SLC25A13: variants seen among roughly 807,000 people sequenced by gnomAD.
SLC25A13 encodes the protein electrogenic aspartate/glutamate antiporter SLC25A13, mitochondrial.
A neutral mutation model predicts 85.5 loss-of-function variants in SLC25A13; 70 were observed. That is an observed-to-expected ratio of 0.82 (90% confidence interval 0.68 to 1.00). The LOEUF (loss-of-function observed/expected upper bound fraction) is 1.00. SLC25A13 is among the 50% of genes least tolerant of loss of function. SLC25A13 has a pLI of 0.00. For synonymous variants in SLC25A13, 259 were observed against 288.7 expected (o/e 0.90, Z 1.04); for missense variants, 765 against 819.8 (o/e 0.93, Z 0.82).
At chr7:96,252,834 CTG>C (rs1483000956) in intron 3 of SLC25A13, among the ~76,000 whole-genome samples, 1 of 152,134 alleles carries the variant, frequency 6.6e-6, no homozygotes, top group African/African-American at 2.4e-5. Context: ...TGGGTCACAC[CTG>C]TAATCCCAGC....
At chr7:96,280,129 C>A (rs1798614746) in intron 2 of SLC25A13, among the ~76,000 whole-genome samples, 1 of 152,142 alleles carries the variant, frequency 6.6e-6, no homozygotes, top group Non-Finnish European at 1.5e-5. Context: ...ATTGTCTCGT[C>A]TACTCTTGCA....
intron 13 of SLC25A13, 161 bp downstream of exon 13, chr7:96,169,884 A>G (rs1793927496): frequency 2.8e-6 from 2 of 722,766 alleles, no homozygotes; most frequent in Non-Finnish European, 5.0e-6. Context: ...CACCTCTGGA[A>G]TGGTTCGCCT....
At chr7:96,219,451 G>A (rs1230363028) in intron 4 of SLC25A13, among the ~76,000 whole-genome samples, 2 of 152,136 alleles carry the variant, frequency 1.3e-5, no homozygotes, top group Non-Finnish European at 2.9e-5. Flanking sequence ...AAGGTCATGT[G>A]GCATTCAGGA....
At chr7:96,232,227 T>C (rs555540183) in intron 4 of SLC25A13, among the ~76,000 whole-genome samples, 16 of 152,078 alleles carry the variant, frequency 1.1e-4, no homozygotes, top group African/African-American at 3.9e-4. Flanking sequence ...ATGTGGTACA[T>C]ATACACCATG....
chr7:96,303,866 C>G (rs1799642851), intron 1 of SLC25A13, among the ~76,000 whole-genome samples: 1 of 151,958 alleles, frequency 6.6e-6, no homozygotes, highest in South Asian at 2.1e-4. Context: ...CTTTAGAGCT[C>G]AACCTCAAGT....
At chr7:96,207,810 G>A (rs576235226) in intron 5 of SLC25A13, among the ~76,000 whole-genome samples, 9 of 152,178 alleles carry the variant, frequency 5.9e-5, no homozygotes, top group Non-Finnish European at 1.3e-4. Flanking sequence ...AGGGGGTCAC[G>A]AGAGAAGGGC....
At chr7:96,292,274 G>A (rs370261061) in intron 2 of SLC25A13, among the ~76,000 whole-genome samples, 13 of 152,198 alleles carry the variant, frequency 8.5e-5, no homozygotes, top group Admixed American at 3.9e-4. Flanking sequence ...AAGATGGGAC[G>A]TATCTCAAAA....
intron 2 of SLC25A13, among the ~76,000 whole-genome samples, chr7:96,288,738 G>A (rs993351720): frequency 1.3e-5 from 2 of 152,192 alleles, no homozygotes; most frequent in African/African-American, 2.4e-5. Context: ...GCCCACCATT[G>A]CTGAGGCTTG....
At chr7:96,321,612 C>T (rs1432568669) in intron 1 of SLC25A13, among the ~76,000 whole-genome samples, 1 of 152,174 alleles carries the variant, frequency 6.6e-6, no homozygotes, top group Non-Finnish European at 1.5e-5. Flanking sequence ...CGCTTGCCGG[C>T]CCAGGGTGCA....
At chr7:96,189,744 G>GT in intron 7 of SLC25A13, 70 bp from the exon 8 acceptor site, 1 of 1,250,496 alleles carries the variant, frequency 8.0e-7, no homozygotes, top group Non-Finnish European at 1.2e-6. Context: ...ATTAACTCAA[G>GT]GCACTGGAAT....
At chr7:96,316,306 G>C (rs1419500634) in intron 1 of SLC25A13, among the ~76,000 whole-genome samples, 1 of 152,158 alleles carries the variant, frequency 6.6e-6, no homozygotes, top group African/African-American at 2.4e-5. Flanking sequence ...AAAGGTATAT[G>C]ACAATTCCTG....
chr7:96,219,648 C>A (rs557947031), intron 4 of SLC25A13: 16 of 533,440 alleles, frequency 3.0e-5, no homozygotes, highest in Non-Finnish European at 5.8e-5. Context: ...CCAAGCCCCA[C>A]ACCCAAAAAT....
chr7:96,143,572 T>C (rs553144731), intron 14 of SLC25A13, among the ~76,000 whole-genome samples: 1 of 152,346 alleles, frequency 6.6e-6, no homozygotes, highest in East Asian at 1.9e-4. Flanking sequence ...GTTAGCATTT[T>C]AGAGGGGGGC....
At chr7:96,175,847 G>C (rs994491068) in intron 11 of SLC25A13, among the ~76,000 whole-genome samples, 1 of 152,224 alleles carries the variant, frequency 6.6e-6, no homozygotes, top group Non-Finnish European at 1.5e-5. Flanking sequence ...TATATTAAAT[G>C]ATTAACTTCA....
intron 9 of SLC25A13, among the ~76,000 whole-genome samples, chr7:96,187,440 T>C (rs1239828867): frequency 1.3e-5 from 2 of 152,198 alleles, no homozygotes; most frequent in Non-Finnish European, 2.9e-5. Context: ...CTTTTGCAAA[T>C]TCTATGAGTT....
At chr7:96,293,259 A>C (rs1302116716) in intron 2 of SLC25A13, among the ~76,000 whole-genome samples, 1 of 152,162 alleles carries the variant, frequency 6.6e-6, no homozygotes, top group Non-Finnish European at 1.5e-5. Flanking sequence ...CCTTCCTTAC[A>C]CCTTATACAA....
intron 14 of SLC25A13, among the ~76,000 whole-genome samples, chr7:96,141,559 G>A (rs1044918058): frequency 6.6e-6 from 1 of 152,178 alleles, no homozygotes; most frequent in East Asian, 1.9e-4. Flanking sequence ...CCCTGAAGAG[G>A]CTTTCACAGA....
intron 3 of SLC25A13, among the ~76,000 whole-genome samples, chr7:96,257,050 G>C (rs1343827498): frequency 6.6e-6 from 1 of 152,128 alleles, no homozygotes; most frequent in Non-Finnish European, 1.5e-5. Context: ...AGAATCTCTG[G>C]GGCACAGCTA....
intron 3 of SLC25A13, among the ~76,000 whole-genome samples, chr7:96,276,465 A>T (rs1279805940): frequency 6.6e-6 from 1 of 152,164 alleles, no homozygotes; most frequent in Non-Finnish European, 1.5e-5. Context: ...CTACAAAAAA[A>T]TACAAAAATT....
Sources: allele counts gnomAD v4.1 joint callset (sites outside exome capture counted in the v4.1 genomes callset), GRCh38; gene constraint gnomAD v4.1.1; transcripts MANE v1.5; gene names NCBI Gene and HGNC (gene_info 2026-07-23, HGNC 2026-07-21).